PRKN: variants seen among roughly 807,000 people sequenced by gnomAD.
The protein encoded by PRKN is parkin RBR E3 ubiquitin protein ligase.
A neutral mutation model predicts 59.5 loss-of-function variants in PRKN; 56 were observed. The observed-to-expected ratio is 0.94, with a 90% CI of 0.76 to 1.18. The LOEUF (loss-of-function observed/expected upper bound fraction) is 1.18. Among genes scored for constraint, PRKN ranks in the 50% most tolerant of loss-of-function variants. PRKN has a pLI of 0.00. For missense variants in PRKN, 657 were observed against 596.4 expected (o/e 1.10, Z -1.06); for synonymous variants, 250 against 222.1 (o/e 1.13, Z -1.12).
chr6:162,483,982 G>C (rs1382782646), intron 1 of PRKN, among the ~76,000 whole-genome samples: 1 of 152,138 alleles, frequency 6.6e-6, no homozygotes, highest in East Asian at 1.9e-4. Context: ...TACTGATGTA[G>C]AGATATTTCC....
Position 162,454,866 on chromosome 6 carries a change from G to A in PRKN, c.8-11393C>T, listed in dbSNP as rs1790795169. Among the ~76,000 whole-genome samples the A allele has an allele frequency of 2.0e-5, 3 of 152,336 alleles. No individual in the cohort carries two copies. The South Asian group carries it at 6.2e-4, about 32-fold the overall frequency. On this transcript the variant is annotated intron_variant, in intron 1 of 11. Coordinates refer to ENST00000366898, the MANE Select transcript of PRKN (RefSeq NM_004562.3). ...CATGCCTTGAACAACTGGGAACGGGGAGCCTCTTTTAACCCAACCCGTTAA... is the reference window on the plus strand; with the variant it reads ...CATGCCTTGAACAACTGGGAACGGGAAGCCTCTTTTAACCCAACCCGTTAA...
At chr6:162,282,032 ATCAGACAGGAGCTCCAGCGTCATGC>A (rs1326516077) in intron 2 of PRKN, among the ~76,000 whole-genome samples, 2 of 152,130 alleles carry the variant, frequency 1.3e-5, no homozygotes, top group Middle Eastern at 3.2e-3. Flanking sequence ...GCCACTGCTG[ATCAGACAGGAGCTCCAGCGTCATGC>A]TCATCTGCCC....
intron 7 of PRKN, among the ~76,000 whole-genome samples, chr6:161,748,425 C>T (rs1313436618): frequency 6.6e-6 from 1 of 151,738 alleles, no homozygotes; most frequent in Non-Finnish European, 1.5e-5. Context: ...CCCTAAGCTC[C>T]CAGAGTAGAA....
chr6:162,191,143 G>A (rs142789089), intron 4 of PRKN, among the ~76,000 whole-genome samples: 13 of 152,244 alleles, frequency 8.5e-5, no homozygotes, highest in Non-Finnish European at 1.6e-4. Context: ...GGGCTAAAAC[G>A]GTGATGCATT....
chr6:162,025,762 T>C (rs1054630992), intron 5 of PRKN, among the ~76,000 whole-genome samples: 2 of 151,568 alleles, frequency 1.3e-5, no homozygotes, highest in Admixed American at 1.3e-4. Flanking sequence ...TTTTTTTTCA[T>C]ATTTTTAGTA....
chr6:162,612,078 A>C (rs1010769633), intron 1 of PRKN, among the ~76,000 whole-genome samples: 58 of 150,760 alleles, frequency 3.8e-4, no homozygotes, highest in Middle Eastern at 3.2e-3. Context: ...CTGTAGTCCC[A>C]GCTACTCGGG....
intron 6 of PRKN, among the ~76,000 whole-genome samples, chr6:161,958,563 T>C (rs1335145162): frequency 1.3e-5 from 2 of 152,148 alleles, no homozygotes; most frequent in African/African-American, 4.8e-5. Context: ...CATTGTAATA[T>C]GATACCTGAA....
At position 161,386,267 on chromosome 6, in the gene PRKN, T is replaced by C. The variant is rs760661734; in HGVS notation, c.1167+527A>G. Among the ~76,000 whole-genome samples the C allele has an allele frequency of 6.6e-6, 1 of 152,184 alleles. No individual in the cohort carries two copies. The highest frequency in any genetic ancestry group is 1.9e-4 in the East Asian group (1 of 5,186). ...CATTTGCACTTTCCTAAGACTGAGA[T>C]AGCACCTTAGAGAGTGAGGCTCGGC... On this transcript the variant is annotated intron_variant, in intron 10 of 11. Coordinates refer to ENST00000366898, the MANE Select transcript of PRKN (RefSeq NM_004562.3). The surrounding 1 kb of genome is among the most constrained non-coding windows in gnomAD (Gnocchi z 4.3).
chr6:162,219,649 C>A (rs754020188), intron 3 of PRKN, among the ~76,000 whole-genome samples: 2 of 151,352 alleles, frequency 1.3e-5, no homozygotes, highest in African/African-American at 2.4e-5. Flanking sequence ...GAGATAATAT[C>A]TTTCCTTCTC....
intron 5 of PRKN, among the ~76,000 whole-genome samples, chr6:162,003,542 C>T (rs1037311440): frequency 6.6e-6 from 1 of 152,088 alleles, no homozygotes. Flanking sequence ...GGGTGGGAGA[C>T]TCATCATGCT....
intron 1 of PRKN, among the ~76,000 whole-genome samples, chr6:162,652,245 A>G (rs1416747370): frequency 2.0e-5 from 3 of 152,168 alleles, no homozygotes. Context: ...GCCTTTACAA[A>G]GCTGGATCCT....
In PRKN at chr6:161,710,330, C is replaced by T. The variant is rs117306413; in HGVS notation, c.871+75442G>A. On this transcript the variant is annotated intron_variant, in intron 7 of 11. Coordinates refer to ENST00000366898, the MANE Select transcript of PRKN (RefSeq NM_004562.3). ...TGCTTTCAGCACGCTCATTCACTTC[C>T]CATGGGGTTACATCCACGTAAACCC... 5.3e-5 allele frequency among the ~76,000 whole-genome samples: 8 copies of T among 152,280 alleles called. No individual in the cohort carries two copies. The East Asian group carries it at 1.4e-3, about 26-fold the overall frequency.
intron 7 of PRKN, among the ~76,000 whole-genome samples, chr6:161,664,787 C>CTTTT (rs1275362787): frequency 1.2e-5 from 1 of 85,194 alleles, no homozygotes; most frequent in Non-Finnish European, 2.7e-5. Context: ...CAACAACTGA[C>CTTTT]TTTTTCTTTT....
At chr6:162,579,578 T>A (rs547633303) in intron 1 of PRKN, among the ~76,000 whole-genome samples, 1 of 151,728 alleles carries the variant, frequency 6.6e-6, no homozygotes, top group East Asian at 1.9e-4. Flanking sequence ...CAGATTTACA[T>A]ACACAAGTTC....
At chr6:161,368,574 C>G (rs1029681858) in intron 10 of PRKN, among the ~76,000 whole-genome samples, 1 of 151,434 alleles carries the variant, frequency 6.6e-6, no homozygotes, top group Non-Finnish European at 1.5e-5. Context: ...ACAACGAAAG[C>G]AACTACCACC....
At chr6:161,510,585 T>C (rs1231941079) in intron 9 of PRKN, among the ~76,000 whole-genome samples, 1 of 152,252 alleles carries the variant, frequency 6.6e-6, no homozygotes, top group Non-Finnish European at 1.5e-5. Flanking sequence ...GATAGAGTTC[T>C]GGGTATAGAA....
At chr6:161,703,796 A>C (rs1310584901) in intron 7 of PRKN, among the ~76,000 whole-genome samples, 2 of 144,134 alleles carry the variant, frequency 1.4e-5, no homozygotes, top group Non-Finnish European at 1.5e-5. Flanking sequence ...ACCAGCTGGA[A>C]TGTAAACCAC....
chr6:162,693,062 A>G (rs763286648), intron 1 of PRKN, among the ~76,000 whole-genome samples: 13 of 152,226 alleles, frequency 8.5e-5, no homozygotes, highest in Non-Finnish European at 1.6e-4. Flanking sequence ...AGAATGTAAA[A>G]AGCAACTTTT....
At chr6:161,482,978 CT>C (rs1244312281) in intron 9 of PRKN, among the ~76,000 whole-genome samples, 1 of 152,128 alleles carries the variant, frequency 6.6e-6, no homozygotes, top group Non-Finnish European at 1.5e-5. Flanking sequence ...TTCTCAGCAT[CT>C]TCACTAAATT....
Sources: allele counts gnomAD v4.1 joint callset (sites outside exome capture counted in the v4.1 genomes callset), GRCh38; gene constraint gnomAD v4.1.1; non-coding constraint Gnocchi (gnomAD v3.1); transcripts MANE v1.5; gene names NCBI Gene and HGNC (gene_info 2026-07-23, HGNC 2026-07-21).